The following CLEC1A variants were observed in gnomAD, a reference collection of about 807,000 sequenced individuals.
The protein encoded by CLEC1A is C-type lectin domain family 1 member A, also known as C-type lectin-like receptor-1.
CLEC1A carries 34 observed loss-of-function variants against 28.7 expected under a neutral mutation model. The ratio of observed to expected loss-of-function variants is 1.18; its 90% CI spans 0.90 to 1.57. The LOEUF is 1.57. Among genes scored for constraint, CLEC1A ranks in the 40% most tolerant of loss-of-function variants. The probability of loss-of-function intolerance (pLI) is 0.00; values close to 1 mark genes in which losing one functional copy is unlikely to be tolerated. For synonymous variants in CLEC1A, 116 were observed against 121.0 expected (o/e 0.96, Z 0.27); for missense variants, 385 against 339.5 (o/e 1.13, Z -1.05).
chr12:10,084,871 A>G (rs1866452992), intron 2 of CLEC1A, among the ~76,000 whole-genome samples: 1 of 151,250 alleles, frequency 6.6e-6, no homozygotes, highest in South Asian at 2.1e-4. Flanking sequence ...AGACAGAAAC[A>G]TCAGGTAATC....
Position 10,089,153 on chromosome 12 carries a change from A to G in CLEC1A, c.185T>C (p.Leu62Pro). ...AAGCCCCAGGGCTGCCAGCCCTATC[A>G]GCAGCACCAAGCACAAAGTCAGCAG... is the stretch of plus-strand genomic sequence containing the variant. The part of the protein sequence containing the change: ...LTLLTLCLVL[L>P]IGLAALGLLF... Residue 62 changes from leucine (L) to proline (P), a missense_variant, in exon 2 of 6, where the codon CTG (leucine) becomes CCG (proline). Transcript: ENST00000315330. The G allele has an allele frequency of 6.2e-7, 1 of 1,614,048 alleles. No individual in the cohort carries two copies. The highest frequency in any genetic ancestry group is 8.5e-7 in the Non-Finnish European group (1 of 1,179,888).
Position 10,077,182 on chromosome 12 carries a change from AC to A in CLEC1A, c.392-1528del, listed in dbSNP as rs768878036. On this transcript the variant is annotated intron_variant, in intron 3 of 5. Coordinates refer to ENST00000315330, the MANE Select transcript of CLEC1A (RefSeq NM_016511.4). ...GTGAAATAGGTAGTGATACTATGTAACTAAAGAGACAGAGATAGAGAAACTT... is the reference window on the plus strand; with the variant it reads ...GTGAAATAGGTAGTGATACTATGTAATAAAGAGACAGAGATAGAGAAACTT... Among the ~76,000 whole-genome samples the A allele has an allele frequency of 2.0e-5, 3 of 152,300 alleles. No homozygotes were observed. In the East Asian group the frequency reaches 5.8e-4, roughly 29 times the overall value.
At chr12:10,081,207 A>G in intron 3 of CLEC1A, 30 bp downstream of exon 3, 2 of 1,509,030 alleles carry the variant, frequency 1.3e-6, no homozygotes, top group Non-Finnish European at 1.8e-6. Context: ...TCCAGACAAC[A>G]TGGGGACAGA....
At chr12:10,080,487 G>A (rs146081781) in intron 3 of CLEC1A, among the ~76,000 whole-genome samples, 1 of 152,298 alleles carries the variant, frequency 6.6e-6, no homozygotes, top group East Asian at 1.9e-4. Flanking sequence ...AGTGGTGTGT[G>A]TATAGTAGAT....
chr12:10,098,670 C>G, intron 1 of CLEC1A, 138 bp downstream of exon 1: 1 of 560,820 alleles, frequency 1.8e-6, no homozygotes, highest in Non-Finnish European at 3.1e-6. Context: ...AAAAAAAAAT[C>G]ACTACTATGT....
intron 5 of CLEC1A, among the ~76,000 whole-genome samples, chr12:10,072,893 A>G (rs80061711): frequency 0.019 from 2,857 of 152,252 alleles, 93 homozygotes; most frequent in African/African-American, 0.065. Context: ...AGACTGGGCA[A>G]CACATCATAA....
At chr12:10,074,722 GA>G (rs1196682758) in intron 4 of CLEC1A, among the ~76,000 whole-genome samples, 1 of 152,170 alleles carries the variant, frequency 6.6e-6, no homozygotes, top group East Asian at 1.9e-4. Context: ...AAAAATTACA[GA>G]GGTTCTTTCA....
chr12:10,084,821 C>CAAAAAAAAAAAAAA (rs57574014), intron 2 of CLEC1A, among the ~76,000 whole-genome samples: 3 of 83,766 alleles, frequency 3.6e-5, no homozygotes, highest in African/African-American at 7.7e-5. Flanking sequence ...GACTCTGTAT[C>CAAAAAAAAAAAAAA]AAAAAAAAAA....
At position 10,098,876 on chromosome 12, in the gene CLEC1A, C is replaced by G. The variant is rs746190392; in HGVS notation, c.47G>C (p.Gly16Ala). The G allele has an allele frequency of 6.2e-7, 1 of 1,613,520 alleles. No homozygotes were observed. The highest frequency in any genetic ancestry group is 8.5e-7 in the Non-Finnish European group (1 of 1,179,728). Residue 16 changes from glycine (G) to alanine (A), a missense_variant, in exon 1 of 6, where the codon GGG becomes GCG. Transcript: ENST00000315330. ...AGAATGCAGGCTCATGGTGGTGTCC[C>G]CATCATCATCCAGCATGTCCCTCGT... ...SSTRDMLDDD[G>A]DTTMSLHSQG...
At chr12:10,081,208 TG>T (rs1565602267) in intron 3 of CLEC1A, 28 bp downstream of exon 3, 1 of 1,512,040 alleles carries the variant, frequency 6.6e-7, no homozygotes, top group South Asian at 1.3e-5. Flanking sequence ...CCAGACAACA[TG>T]GGGACAGAGT....
In CLEC1A at chr12:10,089,157, G is replaced by T. The variant is rs1029702896; in HGVS notation, c.181C>A (p.Leu61Met). ...ALTLLTLCLV[L>M]LIGLAALGLL... ...CCCAGGGCTGCCAGCCCTATCAGCA[G>T]CACCAAGCACAAAGTCAGCAGGGTC... Residue 61 changes from leucine to methionine, a missense_variant, in exon 2 of 6, where the codon CTG becomes ATG. Coordinates refer to ENST00000315330, the MANE Select transcript of CLEC1A (RefSeq NM_016511.4). The T allele has an allele frequency of 1.2e-6, 2 of 1,613,892 alleles. No individual in the cohort carries two copies. The highest frequency in any genetic ancestry group is 2.7e-5 in the African/African-American group (2 of 74,918).
intron 2 of CLEC1A, chr12:10,084,331 A>T (rs1866434978): frequency 6.6e-6 from 1 of 152,234 alleles, no homozygotes; most frequent in Admixed American, 6.5e-5. Flanking sequence ...TGGGTCGAAG[A>T]GGACGACCAC....
At chr12:10,075,384 G>A (rs935659007) in intron 4 of CLEC1A, 120 bp downstream of exon 4, 11 of 1,014,484 alleles carry the variant, frequency 1.1e-5, no homozygotes, top group African/African-American at 9.7e-5. Context: ...CTCAGGCCCT[G>A]ATCGAAACAG....
At position 10,073,283 on chromosome 12, in the gene CLEC1A, G is replaced by C. The variant is rs751547213; in HGVS notation, c.662+10C>G. 2 of 1,583,440 alleles carry C rather than the reference G, an allele frequency of 1.3e-6. No homozygotes were observed. The highest frequency in any genetic ancestry group is 1.7e-6 in the Non-Finnish European group (2 of 1,153,882). Reference sequence around the variant, plus strand: ...AAATGCCTTTCCCATAAAATATCCTGAAGGCTTACAGTTCAGAAGTGAAAG... The same window carrying C: ...AAATGCCTTTCCCATAAAATATCCTCAAGGCTTACAGTTCAGAAGTGAAAG... On this transcript the variant is annotated intron_variant, in intron 5 of 5. Coordinates refer to ENST00000315330, the MANE Select transcript of CLEC1A (RefSeq NM_016511.4).
chr12:10,086,244 A>G (rs920215875), intron 2 of CLEC1A, among the ~76,000 whole-genome samples: 2 of 152,170 alleles, frequency 1.3e-5, no homozygotes, highest in African/African-American at 4.8e-5. Context: ...TGTCTGAAAA[A>G]CCACAAATAG....
At chr12:10,079,818 TAA>T (rs58997693) in intron 3 of CLEC1A, among the ~76,000 whole-genome samples, 20 of 148,930 alleles carry the variant, frequency 1.3e-4, no homozygotes, top group Admixed American at 1.0e-3. Context: ...GACTCTGTCT[TAA>T]AAAAAAAAAT....
chr12:10,084,821 C>CAAAAAAAA (rs57574014), intron 2 of CLEC1A, among the ~76,000 whole-genome samples: 16 of 83,766 alleles, frequency 1.9e-4, no homozygotes, highest in East Asian at 5.3e-4. Context: ...GACTCTGTAT[C>CAAAAAAAA]AAAAAAAAAA....
intron 1 of CLEC1A, among the ~76,000 whole-genome samples, chr12:10,098,294 C>T (rs1947804704): frequency 6.6e-6 from 1 of 152,084 alleles, no homozygotes. Flanking sequence ...TCAGTACTCA[C>T]AACCACCTTG....
At chr12:10,073,192 G>C (rs1337630017) in intron 5 of CLEC1A, 101 bp downstream of exon 5, 1 of 805,926 alleles carries the variant, frequency 1.2e-6, no homozygotes, top group African/African-American at 1.7e-5. Context: ...GTACAAAGCA[G>C]AAGTTTGATT....
Sources: gnomAD v4.1 joint callset for allele counts (sites outside exome capture counted in the v4.1 genomes callset) on GRCh38, gnomAD v4.1.1 for gene constraint, MANE v1.5 for transcripts, NCBI Gene and HGNC (gene_info 2026-07-23, HGNC 2026-07-21) for gene names.